The following LRP1B variants were observed in gnomAD, a reference collection of about 807,000 sequenced individuals.
LRP1B encodes LDL receptor related protein 1B, also known as low-density lipoprotein receptor-related protein 1B.
LRP1B carries 217 observed loss-of-function variants against 556.6 expected under a neutral mutation model. The ratio of observed to expected loss-of-function variants is 0.39; its 90% CI spans 0.35 to 0.44. LRP1B has a LOEUF of 0.44. Ranked by LOEUF, LRP1B falls within the 20% of genes least tolerant of loss-of-function variation. LRP1B has a pLI of 1.00. For missense variants in LRP1B, 5,053 were observed against 5,620.8 expected, an observed-to-expected ratio of 0.90 and a Z score of 3.23; for synonymous variants, 2,047 against 1,865.8, an observed-to-expected ratio of 1.10 and a Z score of -2.50.
chr2:140,307,327 A>G (rs1226278849), intron 83 of LRP1B, among the ~76,000 whole-genome samples: 3 of 151,946 alleles, frequency 2.0e-5, no homozygotes, highest in Admixed American at 6.6e-5. Context: ...AGTCCACAGT[A>G]ACTGGAAGTT....
chr2:140,546,164 C>T (rs1680331026), intron 43 of LRP1B, among the ~76,000 whole-genome samples: 1 of 152,010 alleles, frequency 6.6e-6, no homozygotes, highest in Non-Finnish European at 1.5e-5. Flanking sequence ...AATTGTTTAT[C>T]AGCTTAAGAA....
chr2:140,877,773 A>T (rs1693354851), intron 25 of LRP1B, among the ~76,000 whole-genome samples: 3 of 152,126 alleles, frequency 2.0e-5, no homozygotes, highest in Admixed American at 6.5e-5. Context: ...CATCTTACAT[A>T]TGTGGATTGA....
intron 2 of LRP1B, among the ~76,000 whole-genome samples, chr2:141,480,973 T>C (rs1266874794): frequency 1.3e-5 from 2 of 152,194 alleles, no homozygotes; most frequent in Non-Finnish European, 2.9e-5. Flanking sequence ...AATGTTTCAG[T>C]GGCATTTACT....
intron 7 of LRP1B, among the ~76,000 whole-genome samples, chr2:141,137,609 AATTGT>A (rs1410730853): frequency 6.6e-6 from 1 of 152,006 alleles, no homozygotes; most frequent in Non-Finnish European, 1.5e-5. Context: ...AAATATATAC[AATTGT>A]ATTGTGAATA....
chr2:141,260,626 C>G (rs961647425), intron 3 of LRP1B, among the ~76,000 whole-genome samples: 1 of 152,158 alleles, frequency 6.6e-6, no homozygotes, highest in African/African-American at 2.4e-5. Flanking sequence ...ATCGGATCAA[C>G]CATTGTATAG....
Position 141,561,922 on chromosome 2 carries a change from T to C in LRP1B, c.206-81389A>G, listed in dbSNP as rs1008545921. Among the ~76,000 whole-genome samples the C allele has an allele frequency of 4.6e-5, 7 of 151,876 alleles. No individual in the cohort carries two copies. In the South Asian group the frequency reaches 1.4e-3, roughly 31 times the overall value. ...TATTATTTCCAGAACAGATTGCCAA[T>C]AGAAGTTAACCATCTCCTATGTTTT... On this transcript the variant is annotated intron_variant, in intron 2 of 90. Transcript: ENST00000389484.
intron 23 of LRP1B, among the ~76,000 whole-genome samples, chr2:140,888,977 A>AC (rs1382037324): frequency 0.026 from 3,946 of 151,074 alleles, 177 homozygotes; most frequent in African/African-American, 0.092. Flanking sequence ...AAAAAAAAAA[A>AC]AAACTTGAAA....
Position 141,799,109 on chromosome 2 carries a change from G to C in LRP1B, c.205+11170C>G, listed in dbSNP as rs561462101. Among the ~76,000 whole-genome samples the C allele has an allele frequency of 4.6e-5, 7 of 152,210 alleles. No homozygotes were observed. In the Middle Eastern group the frequency reaches 0.017, roughly 370 times the overall value. On this transcript the variant is annotated intron_variant, in intron 2 of 90. Transcript: ENST00000389484. ...AAATGAGTTTTGTGTAAGCCACCCA[G>C]TGTGTGGTGTTTTTTTAAGGCAGCC...
At chr2:140,804,267 T>C (rs1690631902) in intron 32 of LRP1B, among the ~76,000 whole-genome samples, 1 of 152,066 alleles carries the variant, frequency 6.6e-6, no homozygotes, top group Non-Finnish European at 1.5e-5. Context: ...AGTTTCAGGA[T>C]AACAAGATTA....
chr2:141,601,295 G>C (rs1000466789), intron 2 of LRP1B, among the ~76,000 whole-genome samples: 1 of 151,902 alleles, frequency 6.6e-6, no homozygotes, highest in Non-Finnish European at 1.5e-5. Context: ...TCTACAAACT[G>C]TGCTACATCT....
chr2:141,056,542 G>T (rs1296256329), intron 9 of LRP1B, among the ~76,000 whole-genome samples: 1 of 151,686 alleles, frequency 6.6e-6, no homozygotes, highest in African/African-American at 2.4e-5. Flanking sequence ...TTCTGAAACT[G>T]CCCTTGTCAG....
At chr2:140,905,512 C>CAAACACCTGGA (rs1694225137) in intron 22 of LRP1B, among the ~76,000 whole-genome samples, 1 of 152,084 alleles carries the variant, frequency 6.6e-6, no homozygotes, top group South Asian at 2.1e-4. Context: ...CTTTGAAGTG[C>CAAACACCTGGA]AAACACCTGG....
Position 140,345,419 on chromosome 2 carries a change from ATCT to A in LRP1B, c.11892+5375_11892+5377del, listed in dbSNP as rs200394875. Among the ~76,000 whole-genome samples the A allele has an allele frequency of 8.0e-3, 1,212 of 151,354 alleles. 9 individuals are homozygous for A. Among genetic ancestry groups the A allele is most frequent in the Admixed American group, 0.022 (334 of 15,090 alleles). ...CCTCTCTCAGTTTTTGTACCTCTAT[ATCT>A]TCTTATTTATTTTCTCTTAATGCAC... is the stretch of plus-strand genomic sequence containing the variant. On this transcript the variant is annotated intron_variant, in intron 77 of 90. Transcript: ENST00000389484.
chr2:141,708,208 AG>A (rs34626578), intron 2 of LRP1B, among the ~76,000 whole-genome samples: 20,280 of 152,090 alleles, frequency 0.13, 1,538 homozygotes, highest in Admixed American at 0.17. Context: ...CATGTATCCC[AG>A]GACTTAATAT....
In LRP1B at chr2:141,528,786, A is replaced by C. The variant is rs368813820; in HGVS notation, c.206-48253T>G. Reference sequence around the variant, plus strand: ...TTGAGCTACTGCTGAAGCTAGAACAAGACTCACGACTCAGTTTTATAAGAA... The same window carrying C: ...TTGAGCTACTGCTGAAGCTAGAACACGACTCACGACTCAGTTTTATAAGAA... On this transcript the variant is annotated intron_variant, in intron 2 of 90. Transcript: ENST00000389484. Among the ~76,000 whole-genome samples the C allele has an allele frequency of 3.3e-4, 51 of 152,268 alleles. No individual in the cohort carries two copies. In the South Asian group the frequency reaches 0.01, roughly 30 times the overall value.
chr2:140,528,061 A>G (rs1346862696), intron 47 of LRP1B, among the ~76,000 whole-genome samples: 1 of 151,896 alleles, frequency 6.6e-6, no homozygotes, highest in Non-Finnish European at 1.5e-5. Context: ...TCGTTTCACC[A>G]TCACAATCTG....
chr2:140,738,162 T>C (rs891783979), intron 35 of LRP1B, among the ~76,000 whole-genome samples: 3 of 152,150 alleles, frequency 2.0e-5, no homozygotes, highest in Admixed American at 6.6e-5. Context: ...GCCAAGCCAC[T>C]TTGAACTTCT....
At chr2:140,373,262 TTC>T (rs1324055980) in intron 68 of LRP1B, 125 bp from the exon 69 acceptor site, 1 of 786,482 alleles carries the variant, frequency 1.3e-6, no homozygotes, top group Non-Finnish European at 2.0e-6. Context: ...GTTTCACAAC[TTC>T]TCTGTCAAAA....
At chr2:141,385,637 T>A (rs956333098) in intron 3 of LRP1B, among the ~76,000 whole-genome samples, 1 of 152,086 alleles carries the variant, frequency 6.6e-6, no homozygotes, top group African/African-American at 2.4e-5. Context: ...ATGAGGCAGA[T>A]GACTCTAGAA....
Sources: allele counts gnomAD v4.1 joint callset (sites outside exome capture counted in the v4.1 genomes callset), GRCh38; gene constraint gnomAD v4.1.1; transcripts MANE v1.5; gene names NCBI Gene and HGNC (gene_info 2026-07-23, HGNC 2026-07-21).